The following NRF1 variants were observed in gnomAD, a reference collection of about 807,000 sequenced individuals.
NRF1 encodes the protein alpha palindromic-binding protein.
A neutral mutation model predicts 58.5 loss-of-function variants in NRF1; 5 were observed. That is an observed-to-expected ratio of 0.09 (90% CI 0.04 to 0.18). The LOEUF is 0.18. Ranked by LOEUF, NRF1 falls within the 10% of genes least tolerant of loss-of-function variation. The pLI, the probability that NRF1 is intolerant of heterozygous loss-of-function variation, is 1.00. For synonymous variants in NRF1, 224 were observed against 246.7 expected, an observed-to-expected ratio of 0.91 and a Z score of 0.86; for missense variants, 288 against 657.7, an observed-to-expected ratio of 0.44 and a Z score of 6.15.
At chr7:129,678,101 C>A (rs1026569497) in intron 4 of NRF1, among the ~76,000 whole-genome samples, 2 of 152,004 alleles carry the variant, frequency 1.3e-5, no homozygotes, top group African/African-American at 4.8e-5. Flanking sequence ...TAGATAATTC[C>A]AAGGTGTCAA....
chr7:129,735,092 TC>T, intron 10 of NRF1: 1 of 985,322 alleles, frequency 1.0e-6, no homozygotes, highest in South Asian at 4.7e-5. Context: ...TTGCTTGGGG[TC>T]CCCCAGAGAT....
chr7:129,657,669 G>T, intron 2 of NRF1, 95 bp downstream of exon 2: 1 of 758,960 alleles, frequency 1.3e-6, no homozygotes, highest in South Asian at 1.9e-5. Flanking sequence ...GGGTGCAGCA[G>T]CACAATCATG....
chr7:129,619,035 T>C (rs1043685445), intron 1 of NRF1, among the ~76,000 whole-genome samples: 5 of 152,158 alleles, frequency 3.3e-5, no homozygotes, highest in Middle Eastern at 3.4e-3. Flanking sequence ...CATTTCAGAT[T>C]TTAAACTTTT....
intron 2 of NRF1, among the ~76,000 whole-genome samples, chr7:129,661,019 C>T (rs1452716916): frequency 6.6e-6 from 1 of 151,336 alleles, no homozygotes. Context: ...AACTCCAATC[C>T]TTGACTTCTG....
At position 129,736,958 on chromosome 7, in the gene NRF1, A is replaced by G. The variant is rs113766443; in HGVS notation, c.1348+9593A>G. Reference sequence around the variant, plus strand: ...CTAAGCCTTAACTGTAAAAATTAGGATAATGATAGTTCTGTACTCAGAAGG... The same window carrying G: ...CTAAGCCTTAACTGTAAAAATTAGGGTAATGATAGTTCTGTACTCAGAAGG... On this transcript the variant is annotated intron_variant, in intron 10 of 10. Coordinates refer to ENST00000393232, the MANE Select transcript of NRF1 (RefSeq NM_005011.5). Among the ~76,000 whole-genome samples, 3 of 152,354 alleles carry G rather than the reference A, an allele frequency of 2.0e-5. No homozygotes were observed. In the South Asian group the frequency reaches 6.2e-4, roughly 32 times the overall value.
chr7:129,659,143 A>G (rs1408277005), intron 2 of NRF1, among the ~76,000 whole-genome samples: 1 of 142,334 alleles, frequency 7.0e-6, no homozygotes, highest in African/African-American at 2.7e-5. Flanking sequence ...CAGTGGCACA[A>G]TCTTGGCTCA....
rs749335201 is a variant in NRF1, at chr7:129,662,102, G to C, written c.223+4528G>C. Among the ~76,000 whole-genome samples the C allele has an allele frequency of 1.3e-5, 2 of 150,354 alleles. 1 individual carries two copies. Among genetic ancestry groups the C allele is most frequent in the African/African-American group, 5.0e-5 (2 of 39,866 alleles). ...TATTCACTATCACAAGAACAGCACC[G>C]GAAAGACCTGCCCGCATGATTCAGT... On this transcript the variant is annotated intron_variant, in intron 2 of 10. Coordinates refer to ENST00000393232, the MANE Select transcript of NRF1 (RefSeq NM_005011.5).
At chr7:129,633,013 G>A (rs1277745869) in intron 1 of NRF1, among the ~76,000 whole-genome samples, 1 of 152,106 alleles carries the variant, frequency 6.6e-6, no homozygotes. Flanking sequence ...GCTACATAAA[G>A]CCTGTAATCC....
intron 1 of NRF1, among the ~76,000 whole-genome samples, chr7:129,635,956 T>C (rs986706583): frequency 4.6e-5 from 7 of 152,210 alleles, no homozygotes; most frequent in African/African-American, 1.7e-4. Context: ...AGTCCTTCTT[T>C]AGATTTAAAC....
chr7:129,706,982 T>TTTTTGTTTTG (rs541695552), intron 5 of NRF1, among the ~76,000 whole-genome samples: 15 of 151,910 alleles, frequency 9.9e-5, no homozygotes, highest in East Asian at 5.8e-4. Flanking sequence ...CGCTTTAGGA[T>TTTTTGTTTTG]TTTTGTTTTG....
intron 10 of NRF1, among the ~76,000 whole-genome samples, chr7:129,745,445 G>A (rs1187515705): frequency 2.0e-5 from 3 of 151,694 alleles, no homozygotes; most frequent in South Asian, 2.1e-4. Flanking sequence ...ATAGGAGCAC[G>A]AACCTATTGT....
intron 10 of NRF1, 99 bp downstream of exon 10, chr7:129,727,464 C>A: frequency 6.9e-6 from 9 of 1,298,286 alleles, no homozygotes; most frequent in Non-Finnish European, 9.3e-6. Context: ...GTTTGAGCTT[C>A]GATTTTTTTT....
chr7:129,699,596 T>C (rs1157732825), intron 5 of NRF1, among the ~76,000 whole-genome samples: 1 of 151,882 alleles, frequency 6.6e-6, no homozygotes, highest in Non-Finnish European at 1.5e-5. Flanking sequence ...CCAGGTATGA[T>C]GGCAGGTGCC....
At chr7:129,692,293 G>A (rs76442628) in intron 5 of NRF1, among the ~76,000 whole-genome samples, 2,914 of 152,228 alleles carry the variant, frequency 0.019, 41 homozygotes, top group Non-Finnish European at 0.029. Flanking sequence ...CATGCCGGAC[G>A]TTGTAGCTCA....
chr7:129,668,591 A>G (rs1801973581), intron 2 of NRF1, among the ~76,000 whole-genome samples: 1 of 152,230 alleles, frequency 6.6e-6, no homozygotes, highest in Non-Finnish European at 1.5e-5. Context: ...TAGTCCAAGT[A>G]TCCATCAGAT....
intron 1 of NRF1, among the ~76,000 whole-genome samples, chr7:129,636,557 G>T (rs996860961): frequency 6.6e-6 from 1 of 152,044 alleles, no homozygotes; most frequent in African/African-American, 2.4e-5. Flanking sequence ...TTTTCAATGG[G>T]TTTTTTTAGA....
At chr7:129,698,368 T>C (rs1292951526) in intron 5 of NRF1, among the ~76,000 whole-genome samples, 5 of 151,564 alleles carry the variant, frequency 3.3e-5, no homozygotes, top group Middle Eastern at 3.2e-3. Flanking sequence ...GTTAGAAAAC[T>C]ACATAGCTCT....
chr7:129,694,907 C>T (rs1380650077), intron 5 of NRF1, among the ~76,000 whole-genome samples: 2 of 152,100 alleles, frequency 1.3e-5, no homozygotes, highest in Non-Finnish European at 2.9e-5. Flanking sequence ...TTGTTTATTA[C>T]AGCATGCTTA....
At chr7:129,695,128 T>TG (rs1802657573) in intron 5 of NRF1, among the ~76,000 whole-genome samples, 1 of 152,192 alleles carries the variant, frequency 6.6e-6, no homozygotes, top group Admixed American at 6.5e-5. Flanking sequence ...ATACTGTAAT[T>TG]TGAGGAGTTT....
Sources: gnomAD v4.1 joint callset for allele counts (sites outside exome capture counted in the v4.1 genomes callset) on GRCh38, gnomAD v4.1.1 for gene constraint, MANE v1.5 for transcripts, NCBI Gene and HGNC (gene_info 2026-07-23, HGNC 2026-07-21) for gene names.